FSTL4: variants seen among roughly 807,000 people sequenced by gnomAD.
FSTL4 encodes follistatin like 4.
FSTL4 carries 28 observed loss-of-function variants against 78.2 expected under a neutral mutation model. The ratio of observed to expected loss-of-function variants is 0.36; its 90% CI spans 0.27 to 0.49. FSTL4 has a LOEUF of 0.49. Among genes scored for constraint, FSTL4 ranks in the 20% least tolerant of loss-of-function variants. The pLI is 0.98. For missense variants in FSTL4, 922 were observed against 1,084.9 expected, an observed-to-expected ratio of 0.85 and a Z score of 2.11; for synonymous variants, 422 against 440.5, an observed-to-expected ratio of 0.96 and a Z score of 0.53.
At chr5:133,311,353 C>T (rs775968832) in intron 6 of FSTL4, among the ~76,000 whole-genome samples, 6 of 152,028 alleles carry the variant, frequency 3.9e-5, no homozygotes, top group East Asian at 3.9e-4. Flanking sequence ...AGGAGGATGA[C>T]GGGGACCCTG....
intron 3 of FSTL4, among the ~76,000 whole-genome samples, chr5:133,481,998 C>A (rs185581267): frequency 2.6e-5 from 4 of 152,310 alleles, no homozygotes; most frequent in Non-Finnish European, 5.9e-5. Context: ...AAGCTGCCAC[C>A]AACATGGAAA....
At chr5:133,676,048 A>G in the FSTL4 span, among the ~76,000 whole-genome samples, 7 of 152,014 alleles carry the variant, frequency 4.6e-5, no homozygotes, top group Non-Finnish European at 7.4e-5. Flanking sequence ...GGGCTGGGAG[A>G]CCCTCAGACG....
intron 7 of FSTL4, among the ~76,000 whole-genome samples, chr5:133,238,521 A>G (rs991396290): frequency 6.6e-6 from 1 of 152,218 alleles, no homozygotes; most frequent in African/African-American, 2.4e-5. Context: ...CCAGGACCAC[A>G]TGCACATGTG....
chr5:133,535,966 C>A (rs752934328), intron 3 of FSTL4, among the ~76,000 whole-genome samples: 1 of 152,164 alleles, frequency 6.6e-6, no homozygotes, highest in Non-Finnish European at 1.5e-5. Flanking sequence ...GACTGAACTG[C>A]TCCAGAGTAG....
chr5:133,812,578 C>A, the FSTL4 span, among the ~76,000 whole-genome samples: 1 of 152,210 alleles, frequency 6.6e-6, no homozygotes, highest in Non-Finnish European at 1.5e-5. Flanking sequence ...CAAATCTCAA[C>A]TCAAGTATCA....
intron 3 of FSTL4, among the ~76,000 whole-genome samples, chr5:133,450,670 G>A (rs1311069462): frequency 1.3e-5 from 2 of 152,218 alleles, no homozygotes; most frequent in Non-Finnish European, 2.9e-5. Context: ...TGAGCGGAAC[G>A]CCATTAACTC....
chr5:133,785,130 C>G, the FSTL4 span, among the ~76,000 whole-genome samples: 16 of 152,324 alleles, frequency 1.1e-4, no homozygotes, highest in Non-Finnish European at 2.1e-4. Context: ...TCACAAAGCT[C>G]TCAGCCCTCA....
At chr5:133,203,587 G>A (rs1750397306) in intron 14 of FSTL4, among the ~76,000 whole-genome samples, 1 of 152,122 alleles carries the variant, frequency 6.6e-6, no homozygotes, top group Non-Finnish European at 1.5e-5. Flanking sequence ...TTTTTTTTAA[G>A]AGGCCAAATG....
At chr5:133,260,895 G>A (rs1752505975) in intron 6 of FSTL4, among the ~76,000 whole-genome samples, 1 of 152,226 alleles carries the variant, frequency 6.6e-6, no homozygotes, top group African/African-American at 2.4e-5. Context: ...GGCACGAGCA[G>A]AAAGTGGAAA....
At chr5:133,596,383 G>A (rs1382892541) in intron 2 of FSTL4, among the ~76,000 whole-genome samples, 1 of 152,230 alleles carries the variant, frequency 6.6e-6, no homozygotes, top group Non-Finnish European at 1.5e-5. Flanking sequence ...CTCACTGGTG[G>A]TCTCACTGAT....
rs1199205280 is a variant in FSTL4, at chr5:133,338,252, A to G, written c.410-21600T>C. Among the ~76,000 whole-genome samples, 1 of 152,016 alleles carries G rather than the reference A, an allele frequency of 6.6e-6. No homozygotes were observed. Among genetic ancestry groups the G allele is most frequent in the Non-Finnish European group, 1.5e-5 (1 of 67,984 alleles). On this transcript the variant is annotated intron_variant, in intron 4 of 15. Transcript: ENST00000265342. This position sits in a 1 kb window ranked among gnomAD's most constrained non-coding sequence, Gnocchi z 4.0. Reference sequence around the variant, plus strand: ...GTGTGCCCCTATTCCTGTCTGCTCCATGCTTAGAGGCCCTGGTGGGGTGTG... The same window carrying G: ...GTGTGCCCCTATTCCTGTCTGCTCCGTGCTTAGAGGCCCTGGTGGGGTGTG...
At chr5:133,626,040 T>A in the FSTL4 span, among the ~76,000 whole-genome samples, 1 of 74,446 alleles carries the variant, frequency 1.3e-5, no homozygotes, top group South Asian at 4.2e-4. Context: ...TCCATATATA[T>A]ATATATTCCA....
At chr5:133,340,644 A>G (rs895164799) in intron 4 of FSTL4, among the ~76,000 whole-genome samples, 1 of 152,130 alleles carries the variant, frequency 6.6e-6, no homozygotes, top group Admixed American at 6.5e-5. Context: ...AAACACAAAA[A>G]CACAGTTGCA....
intron 4 of FSTL4, among the ~76,000 whole-genome samples, chr5:133,367,633 A>G (rs1437742636): frequency 6.6e-6 from 1 of 152,196 alleles, no homozygotes; most frequent in Non-Finnish European, 1.5e-5. Flanking sequence ...CAGCTTGGCC[A>G]CGCTCTCTCT....
the FSTL4 span, among the ~76,000 whole-genome samples, chr5:133,773,642 A>C: frequency 1.3e-5 from 2 of 152,180 alleles, no homozygotes; most frequent in South Asian, 4.1e-4. Context: ...AGTTTAGAGA[A>C]GGTATCAGCT....
chr5:133,678,327 G>A, the FSTL4 span, among the ~76,000 whole-genome samples: 1 of 152,128 alleles, frequency 6.6e-6, no homozygotes, highest in Non-Finnish European at 1.5e-5. Context: ...TCAAGCAAAA[G>A]GTAATGACAG....
At chr5:133,672,225 A>G in the FSTL4 span, among the ~76,000 whole-genome samples, 2 of 152,186 alleles carry the variant, frequency 1.3e-5, no homozygotes, top group African/African-American at 4.8e-5. Context: ...GAAAAAGACT[A>G]TTATGAAATG....
chr5:133,453,778 T>A (rs555819614), intron 3 of FSTL4, among the ~76,000 whole-genome samples: 4 of 152,332 alleles, frequency 2.6e-5, no homozygotes, highest in Admixed American at 2.0e-4. Flanking sequence ...ATCTCATGAC[T>A]AATCAGGAAG....
At chr5:133,576,808 C>A (rs979138402) in intron 2 of FSTL4, among the ~76,000 whole-genome samples, 2 of 152,226 alleles carry the variant, frequency 1.3e-5, no homozygotes, top group Non-Finnish European at 1.5e-5. Context: ...GAAATTCTGA[C>A]ATCTAAGTTC....
Sources: allele counts gnomAD v4.1 joint callset (sites outside exome capture counted in the v4.1 genomes callset), GRCh38; gene constraint gnomAD v4.1.1; non-coding constraint Gnocchi (gnomAD v3.1); transcripts MANE v1.5; gene names NCBI Gene and HGNC (gene_info 2026-07-23, HGNC 2026-07-21).